The following PDGFD variants were observed in gnomAD, a reference collection of about 807,000 sequenced individuals.
PDGFD encodes platelet derived growth factor D.
Under a neutral mutation model 44.7 loss-of-function variants are expected in PDGFD, and 30 were observed. The ratio of observed to expected loss-of-function variants is 0.67; its 90% confidence interval spans 0.50 to 0.91. The LOEUF (loss-of-function observed/expected upper bound fraction) is 0.91, where lower values mean the gene tolerates loss of function less well. Ranked by LOEUF, PDGFD falls within the 40% of genes least tolerant of loss-of-function variation. PDGFD has a pLI of 0.00. For synonymous variants in PDGFD, 173 were observed against 168.4 expected, an observed-to-expected ratio of 1.03 and a Z score of -0.21; for missense variants, 445 against 457.8, an observed-to-expected ratio of 0.97 and a Z score of 0.25.
At chr11:103,948,602 T>C (rs935971568) in intron 3 of PDGFD, among the ~76,000 whole-genome samples, 40 of 152,158 alleles carry the variant, frequency 2.6e-4, no homozygotes, top group African/African-American at 9.2e-4. Context: ...CTTTAGCAAA[T>C]ATTTTCCAGC....
chr11:103,916,910 G>A (rs1033275479), intron 6 of PDGFD, among the ~76,000 whole-genome samples: 1 of 152,114 alleles, frequency 6.6e-6, no homozygotes, highest in African/African-American at 2.4e-5. Context: ...ACACAGGGAG[G>A]GGAACATCAC....
chr11:104,035,090 T>C (rs1860202814), intron 1 of PDGFD, among the ~76,000 whole-genome samples: 1 of 152,168 alleles, frequency 6.6e-6, no homozygotes, highest in Non-Finnish European at 1.5e-5. Context: ...AGAAGGTGGC[T>C]GTGCCCAAAT....
At chr11:104,005,905 G>A (rs1859695225) in intron 1 of PDGFD, among the ~76,000 whole-genome samples, 1 of 152,122 alleles carries the variant, frequency 6.6e-6, no homozygotes, top group Non-Finnish European at 1.5e-5. Context: ...ATATAACAAT[G>A]ACATAGTTTT....
intron 5 of PDGFD, among the ~76,000 whole-genome samples, chr11:103,928,666 A>G (rs1352571591): frequency 6.6e-6 from 1 of 152,216 alleles, no homozygotes; most frequent in Non-Finnish European, 1.5e-5. Context: ...AACTAAATAA[A>G]TGCCAAATAA....
At chr11:104,158,839 G>A (rs543884811) in intron 1 of PDGFD, among the ~76,000 whole-genome samples, 3 of 151,348 alleles carry the variant, frequency 2.0e-5, no homozygotes, top group African/African-American at 7.3e-5. Context: ...TTATAGCAGG[G>A]GTTAGCAGTA....
intron 1 of PDGFD, among the ~76,000 whole-genome samples, chr11:104,112,087 T>C (rs943610656): frequency 1.3e-5 from 2 of 152,142 alleles, no homozygotes; most frequent in African/African-American, 4.8e-5. Flanking sequence ...AAATTATAAA[T>C]GCAAAGATAC....
chr11:104,024,726 A>G (rs1248572368), intron 1 of PDGFD, among the ~76,000 whole-genome samples: 3 of 152,218 alleles, frequency 2.0e-5, no homozygotes, highest in African/African-American at 7.2e-5. Context: ...CATTTCTCAA[A>G]AGTATCCCTG....
intron 1 of PDGFD, among the ~76,000 whole-genome samples, chr11:104,047,809 A>G (rs1047309332): frequency 1.3e-5 from 2 of 152,094 alleles, no homozygotes; most frequent in African/African-American, 4.8e-5. Flanking sequence ...AACATCTTAC[A>G]TCAAGTTCTG....
intron 6 of PDGFD, 100 bp downstream of exon 6, chr11:103,926,812 C>T: frequency 4.0e-6 from 5 of 1,249,760 alleles, no homozygotes; most frequent in Non-Finnish European, 5.6e-6. Context: ...TGGCTGGGTG[C>T]CCTTGTGCAG....
chr11:104,037,609 G>T lies in PDGFD; in HGVS notation c.125-37354C>A, dbSNP rs114046986. 5.0e-6 allele frequency: 8 copies of T among 1,614,086 alleles called. No homozygotes were observed. In the Middle Eastern group the frequency reaches 8.2e-4, roughly 166 times the overall value. ...TTTGAAGGCTTTTGTTGACTCGGGC[G>T]CCCAGATGACCATTATGAGCCAGGC... On this transcript the variant is annotated intron_variant, in intron 1 of 6. Transcript: ENST00000393158.
At chr11:104,073,522 T>C (rs1192212534) in intron 1 of PDGFD, among the ~76,000 whole-genome samples, 1 of 152,210 alleles carries the variant, frequency 6.6e-6, no homozygotes, top group Admixed American at 6.5e-5. Context: ...ACACAGGATA[T>C]TGTAAGGCTG....
At chr11:104,159,593 A>G (rs987004853) in intron 1 of PDGFD, among the ~76,000 whole-genome samples, 7 of 152,186 alleles carry the variant, frequency 4.6e-5, no homozygotes, top group African/African-American at 9.7e-5. Flanking sequence ...GAGACCACAT[A>G]TGCTCAGAGT....
intron 1 of PDGFD, among the ~76,000 whole-genome samples, chr11:104,118,961 A>G (rs1464132930): frequency 4.4e-5 from 2 of 45,308 alleles, no homozygotes; most frequent in Non-Finnish European, 7.8e-5. Flanking sequence ...ATATCATAAT[A>G]AAACAATATA....
chr11:104,115,065 G>C (rs1861613704), intron 1 of PDGFD, among the ~76,000 whole-genome samples: 1 of 151,306 alleles, frequency 6.6e-6, no homozygotes, highest in South Asian at 2.1e-4. Context: ...CCTCTTCCCT[G>C]AGACCCCAAA....
At chr11:104,060,234 G>T (rs1169274013) in intron 1 of PDGFD, among the ~76,000 whole-genome samples, 1 of 152,160 alleles carries the variant, frequency 6.6e-6, no homozygotes, top group African/African-American at 2.4e-5. Context: ...CTAGATCTAG[G>T]TTTTGTCCAG....
intron 1 of PDGFD, among the ~76,000 whole-genome samples, chr11:104,051,637 T>C (rs1197252201): frequency 6.6e-6 from 1 of 151,632 alleles, no homozygotes; most frequent in Non-Finnish European, 1.5e-5. Flanking sequence ...AAATCTCTAA[T>C]AGCATGGTGA....
At chr11:103,964,722 C>T (rs1858988466) in intron 3 of PDGFD, among the ~76,000 whole-genome samples, 1 of 151,950 alleles carries the variant, frequency 6.6e-6, no homozygotes, top group Non-Finnish European at 1.5e-5. Context: ...CTGTGAGGTG[C>T]ACAGGGAGCA....
At chr11:104,089,166 G>C (rs771711259) in intron 1 of PDGFD, among the ~76,000 whole-genome samples, 5 of 152,162 alleles carry the variant, frequency 3.3e-5, no homozygotes, top group Non-Finnish European at 7.3e-5. Flanking sequence ...GAGGAGAATA[G>C]GTTTTGAACT....
chr11:103,927,192 T>C, intron 5 of PDGFD, 66 bp from the exon 6 acceptor site: 1 of 1,421,648 alleles, frequency 7.0e-7, no homozygotes, highest in Non-Finnish European at 9.9e-7. Flanking sequence ...AGCATGTGTT[T>C]TGGGGAATAG....
Sources: gnomAD v4.1 joint callset for allele counts (sites outside exome capture counted in the v4.1 genomes callset) on GRCh38, gnomAD v4.1.1 for gene constraint, MANE v1.5 for transcripts, NCBI Gene and HGNC (gene_info 2026-07-23, HGNC 2026-07-21) for gene names.